Variants in RASA1 observed in about 807,000 individuals in gnomAD.
The protein encoded by RASA1 is ras GTPase-activating protein 1.
Under a neutral mutation model 132.2 loss-of-function variants are expected in RASA1, and 25 were observed. The observed-to-expected ratio is 0.19, with a 90% CI of 0.14 to 0.26. The LOEUF (loss-of-function observed/expected upper bound fraction) is 0.26, where lower values mean the gene tolerates loss of function less well. RASA1 is among the 10% of genes least tolerant of loss of function. The pLI, the probability that RASA1 is intolerant of heterozygous loss-of-function variation, is 1.00. For synonymous variants in RASA1, 477 were observed against 449.9 expected (o/e 1.06, Z -0.76); for missense variants, 964 against 1,299.2 (o/e 0.74, Z 3.97).
In RASA1 at chr5:87,268,450, A is replaced by C. The variant is rs1344312421; in HGVS notation, c.-2A>C. Reference sequence around the variant, plus strand: ...GTAGGGCAGAGTAGAGCGGGCTTCAACATGATGGCGGCCGAGGCCGGCAGT... The same window carrying C: ...GTAGGGCAGAGTAGAGCGGGCTTCACCATGATGGCGGCCGAGGCCGGCAGT... On this transcript the variant is annotated 5_prime_UTR_variant, in exon 1 of 25. Coordinates refer to ENST00000274376, the MANE Select transcript of RASA1 (RefSeq NM_002890.3). 2 of 1,545,008 alleles carry C rather than the reference A, an allele frequency of 1.3e-6. No homozygotes were observed. Among genetic ancestry groups the C allele is most frequent in the Non-Finnish European group, 1.7e-6 (2 of 1,144,802 alleles).
At chr5:87,383,460 A>G (rs1761864815) in intron 20 of RASA1, among the ~76,000 whole-genome samples, 1 of 152,136 alleles carries the variant, frequency 6.6e-6, no homozygotes, top group Non-Finnish European at 1.5e-5. Flanking sequence ...CATTTTCCCA[A>G]AGTTAATCCA....
At chr5:87,373,837 TTTC>T (rs1219262491) in intron 13 of RASA1, among the ~76,000 whole-genome samples, 1 of 152,064 alleles carries the variant, frequency 6.6e-6, no homozygotes, top group Non-Finnish European at 1.5e-5. Flanking sequence ...AATAAAGAAT[TTTC>T]TTCTTAACTT....
intron 1 of RASA1, among the ~76,000 whole-genome samples, chr5:87,276,162 T>C (rs1325420124): frequency 6.6e-6 from 1 of 152,146 alleles, no homozygotes; most frequent in African/African-American, 2.4e-5. Context: ...GGCTGGGAGA[T>C]AGGACAAATA....
intron 7 of RASA1, among the ~76,000 whole-genome samples, chr5:87,347,295 T>C (rs1758935006): frequency 6.6e-6 from 1 of 152,046 alleles, no homozygotes; most frequent in Non-Finnish European, 1.5e-5. Flanking sequence ...TTATTTAGTA[T>C]GTATTAATTT....
chr5:87,356,695 A>T (rs537502787), intron 9 of RASA1, among the ~76,000 whole-genome samples: 2 of 152,190 alleles, frequency 1.3e-5, no homozygotes, highest in African/African-American at 2.4e-5. Flanking sequence ...GTAATAAAAT[A>T]TTTTTAAATT....
chr5:87,272,077 A>AG (rs1176835731), intron 1 of RASA1, among the ~76,000 whole-genome samples: 3 of 149,856 alleles, frequency 2.0e-5, no homozygotes, highest in Non-Finnish European at 3.0e-5. Flanking sequence ...TGAACCAGGG[A>AG]GGGGGCGGTT....
At position 87,353,033 on chromosome 5, in the gene RASA1, T is replaced by C. The variant is rs1580334317; in HGVS notation, c.1254-124T>C. On this transcript the variant is annotated intron_variant, in intron 8 of 24. Coordinates refer to ENST00000274376, the MANE Select transcript of RASA1 (RefSeq NM_002890.3). Reference sequence around the variant, plus strand: ...TGATCATTTATTCTATTAATGTATTTGTGTTATGTGCTTTGAAAAAAATTT... The same window carrying C: ...TGATCATTTATTCTATTAATGTATTCGTGTTATGTGCTTTGAAAAAAATTT... 2.0e-5 allele frequency: 14 copies of C among 683,894 alleles called. No individual in the cohort carries two copies. In the East Asian group the frequency reaches 3.8e-4, roughly 19 times the overall value. 42.4% of individuals were successfully genotyped at this position (683,894 alleles called of 1,614,324 possible).
At chr5:87,363,195 T>G (rs981559234) in intron 10 of RASA1, among the ~76,000 whole-genome samples, 153 bp from the exon 11 acceptor site, 1 of 152,072 alleles carries the variant, frequency 6.6e-6, no homozygotes, top group African/African-American at 2.4e-5. Context: ...ACAGATTTGT[T>G]ATAGGCATTT....
intron 6 of RASA1, among the ~76,000 whole-genome samples, chr5:87,342,075 A>T (rs1315971093): frequency 6.6e-6 from 1 of 151,884 alleles, no homozygotes; most frequent in East Asian, 1.9e-4. Context: ...AGATTCCATT[A>T]GTGAGACTGT....
intron 1 of RASA1, among the ~76,000 whole-genome samples, chr5:87,283,148 G>GTTTTTTTTTTTTTTTTTTGTT (rs200461511): frequency 3.9e-5 from 4 of 103,242 alleles, no homozygotes; most frequent in Non-Finnish European, 6.2e-5. Context: ...TTTTTTTTGT[G>GTTTTTTTTTTTTTTTTTTGTT]TTTTTTTTTT....
At chr5:87,317,257 C>T (rs918299377) in intron 1 of RASA1, among the ~76,000 whole-genome samples, 4 of 152,098 alleles carry the variant, frequency 2.6e-5, no homozygotes, top group East Asian at 1.9e-4. Context: ...TTTGTTTGTG[C>T]GTTCCAGACT....
At chr5:87,285,782 C>T (rs980631530) in intron 1 of RASA1, among the ~76,000 whole-genome samples, 1 of 151,662 alleles carries the variant, frequency 6.6e-6, no homozygotes, top group East Asian at 2.0e-4. Flanking sequence ...CCACGCCCAG[C>T]TAATTTTTGT....
chr5:87,327,171 G>A (rs1281727178), intron 1 of RASA1, among the ~76,000 whole-genome samples: 2 of 152,100 alleles, frequency 1.3e-5, no homozygotes, highest in African/African-American at 4.8e-5. Context: ...ATAATATTAA[G>A]CCAACATTCT....
intron 4 of RASA1, among the ~76,000 whole-genome samples, chr5:87,336,094 A>G (rs746523161): frequency 6.6e-6 from 1 of 152,238 alleles, no homozygotes; most frequent in Non-Finnish European, 1.5e-5. Flanking sequence ...ATCATATAGC[A>G]GCAAATTTAA....
At chr5:87,306,840 G>A (rs1443163421) in intron 1 of RASA1, among the ~76,000 whole-genome samples, 2 of 151,938 alleles carry the variant, frequency 1.3e-5, no homozygotes, top group African/African-American at 4.8e-5. Context: ...TACTGTACAT[G>A]TATGTCTGCG....
chr5:87,346,633 A>C lies in RASA1; in HGVS notation c.1050-39A>C, dbSNP rs1758882451. On this transcript the variant is annotated intron_variant, in intron 6 of 24. Transcript: ENST00000274376. The stretch of plus-strand genomic sequence containing the variant: ...TTTTGATCATATGATAACAGCAAAA[A>C]GGACTTTATTTATATATCTAATTTA... 3 of 1,333,408 alleles carry C rather than the reference A, an allele frequency of 2.2e-6. No homozygotes were observed. The South Asian group carries it at 3.7e-5, about 16-fold the overall frequency. The allele number at this position is 1,333,408 out of a possible 1,614,324, so 82.6% of individuals were successfully genotyped here. A position where few individuals can be genotyped will look rare whatever the true frequency, so the allele number is the denominator to read the frequency against.
intron 1 of RASA1, among the ~76,000 whole-genome samples, chr5:87,280,318 T>C (rs1285416015): frequency 6.6e-6 from 1 of 151,984 alleles, no homozygotes; most frequent in Non-Finnish European, 1.5e-5. Context: ...TTTTTCTTTC[T>C]TTCTTTTTTT....
intron 15 of RASA1, chr5:87,376,139 T>C: frequency 5.8e-6 from 3 of 517,804 alleles, no homozygotes; most frequent in Non-Finnish European, 6.9e-6. Flanking sequence ...TCTTGCCTTC[T>C]TGACTAAACT....
In RASA1 at chr5:87,337,583, C is replaced by A. The variant is rs142464397; in HGVS notation, c.900-391C>A. Among the ~76,000 whole-genome samples, 316 of 152,078 alleles carry A rather than the reference C, an allele frequency of 2.1e-3. 1 individual carries two copies. The highest frequency in any genetic ancestry group is 7.1e-3 in the African/African-American group (294 of 41,532). ...TTTGTGTTTTGATTTTATATCTACC[C>A]TACATCTGAAAGAGTAATAACATTG... On this transcript the variant is annotated intron_variant, in intron 4 of 24. Transcript: ENST00000274376.
Sources: allele counts gnomAD v4.1 joint callset (sites outside exome capture counted in the v4.1 genomes callset), GRCh38; gene constraint gnomAD v4.1.1; transcripts MANE v1.5; gene names NCBI Gene and HGNC (gene_info 2026-07-23, HGNC 2026-07-21).